IFT172: variants seen among roughly 807,000 people sequenced by gnomAD.
The protein encoded by IFT172 is intraflagellar transport 172.
In IFT172, 164 loss-of-function variants were observed where a neutral mutation model predicts 248.9. That is an observed-to-expected ratio of 0.66 (90% CI 0.58 to 0.75). The LOEUF is 0.75. Among genes scored for constraint, IFT172 ranks in the 30% least tolerant of loss-of-function variants. The pLI, the probability that IFT172 is intolerant of heterozygous loss-of-function variation, is 0.00. For missense variants in IFT172, 1,950 were observed against 2,192.4 expected (o/e 0.89, Z 2.21); for synonymous variants, 729 against 791.6 (o/e 0.92, Z 1.33).
Position 27,465,885 on chromosome 2 carries a change from G to A in IFT172, c.1693-3C>T. On this transcript the variant is annotated splice_region_variant and splice_polypyrimidine_tract_variant and intron_variant, in intron 16 of 47. Transcript: ENST00000260570. Reference sequence around the variant, plus strand: ...CGCTCCAGACCTATAACATCACCCTGTAAAAGTTTATCCCCCAACCCACCC... The same window carrying A: ...CGCTCCAGACCTATAACATCACCCTATAAAAGTTTATCCCCCAACCCACCC... 6.2e-7 allele frequency: 1 copy of A among 1,613,826 alleles called. No homozygotes were observed. Among genetic ancestry groups the A allele is most frequent in the Non-Finnish European group, 8.5e-7 (1 of 1,179,872 alleles).
intron 30 of IFT172, 30 bp downstream of exon 30, chr2:27,456,481 G>A: frequency 1.2e-6 from 2 of 1,600,536 alleles, no homozygotes; most frequent in East Asian, 2.2e-5. Flanking sequence ...GCTGGGATGG[G>A]GCCCGTGGAG....
At chr2:27,461,625 G>T in intron 21 of IFT172, 108 bp from the exon 22 acceptor site, 2 of 1,504,772 alleles carry the variant, frequency 1.3e-6, no homozygotes, top group South Asian at 1.2e-5. Context: ...TGGGTCAGCA[G>T]TATCCTAACT....
At chr2:27,465,168 C>A in intron 18 of IFT172, 1 of 496,098 alleles carries the variant, frequency 2.0e-6, no homozygotes, top group Non-Finnish European at 3.6e-6. Context: ...GATCTGCCCA[C>A]CTCAGCCTCC....
intron 10 of IFT172, among the ~76,000 whole-genome samples, chr2:27,478,722 T>C (rs1219623210): frequency 6.6e-6 from 1 of 152,126 alleles, no homozygotes; most frequent in African/African-American, 2.4e-5. Context: ...TGCTGACACA[T>C]AGTAGAGAAT....
At chr2:27,471,293 A>C in intron 15 of IFT172, 198 bp from the exon 16 acceptor site, 1 of 467,432 alleles carries the variant, frequency 2.1e-6, no homozygotes, top group Non-Finnish European at 3.7e-6. Context: ...CCCATAGAAC[A>C]AAGATCTACA....
chr2:27,483,406 G>C, intron 6 of IFT172, 30 bp from the exon 7 acceptor site: 1 of 1,487,972 alleles, frequency 6.7e-7, no homozygotes, highest in African/African-American at 1.4e-5. Flanking sequence ...AGAAATACAG[G>C]AAGAGACTAT....
At chr2:27,470,879 A>C in intron 16 of IFT172, 49 bp downstream of exon 16, 1 of 1,491,386 alleles carries the variant, frequency 6.7e-7, no homozygotes. Context: ...TCATGGCTCT[A>C]ATTAATCAGC....
chr2:27,457,637 A>T lies in IFT172; in HGVS notation c.3228+2T>A. ...TCCCTCAGTGTGGCCTGAACTCCTT[A>T]CCCTGTAGGCCTCTTCCCAAAGCCC... On this transcript the variant is annotated splice_donor_variant, in intron 29 of 47. Transcript: ENST00000260570. LOFTEE classifies it high-confidence loss of function. 1 of 1,612,656 alleles carries T rather than the reference A, an allele frequency of 6.2e-7. No homozygotes were observed. Among genetic ancestry groups the T allele is most frequent in the South Asian group, 1.1e-5 (1 of 91,056 alleles).
In IFT172 at chr2:27,478,942, A is replaced by C. The variant is rs557603823; in HGVS notation, c.1005+567T>G. 6.6e-5 allele frequency among the ~76,000 whole-genome samples: 10 copies of C among 152,354 alleles called. No homozygotes were observed. The South Asian group carries it at 2.1e-3, about 32-fold the overall frequency. On this transcript the variant is annotated intron_variant, in intron 10 of 47. Transcript: ENST00000260570. ...ACTGCCCAATTGCCAGTGTGTAGCC[A>C]GTAAAGTTTTAAGTCAGGAAGGCTT...
intron 42 of IFT172, among the ~76,000 whole-genome samples, chr2:27,446,889 C>A (rs187535259): frequency 6.6e-6 from 1 of 151,442 alleles, no homozygotes; most frequent in Admixed American, 6.6e-5. Context: ...TTAGTAGAGA[C>A]GGGGTTTCAC....
Position 27,452,244 on chromosome 2 carries a change from T to C in IFT172, c.3951+1140A>G, listed in dbSNP as rs559907163. 3.1e-4 allele frequency among the ~76,000 whole-genome samples: 47 copies of C among 152,310 alleles called. No individual in the cohort carries two copies. The South Asian group carries it at 8.5e-3, about 28-fold the overall frequency. ...TTAGAGAGAATTCTTCCTGTTTGAC[T>C]GCCTTTAAACTGGGACACTGGCTTT... On this transcript the variant is annotated intron_variant, in intron 35 of 47. Transcript: ENST00000260570.
At chr2:27,461,161 CA>C in intron 22 of IFT172, 68 bp from the exon 23 acceptor site, 6 of 1,613,546 alleles carry the variant, frequency 3.7e-6, no homozygotes, top group Non-Finnish European at 5.1e-6. Flanking sequence ...GCTCCGAAAA[CA>C]AGGGAACACC....
At chr2:27,475,414 T>C (rs1667890233) in intron 14 of IFT172, 1 of 152,180 alleles carries the variant, frequency 6.6e-6, no homozygotes, top group Non-Finnish European at 1.5e-5. Context: ...AATGATTCAA[T>C]GTAAATATAA....
intron 5 of IFT172, 46 bp downstream of exon 5, chr2:27,483,826 A>C (rs565778879): frequency 2.0e-6 from 3 of 1,530,470 alleles, no homozygotes; most frequent in African/African-American, 2.7e-5. Context: ...CTCCAGAACC[A>C]TTATCCCTAC....
Position 27,453,633 on chromosome 2 carries a change from GC to G in IFT172, c.3817del (p.Ala1273ProfsTer44). The G allele has an allele frequency of 6.2e-7, 1 of 1,611,084 alleles. No homozygotes were observed. Among genetic ancestry groups the G allele is most frequent in the Non-Finnish European group, 8.5e-7 (1 of 1,178,390 alleles). ...EYEREATKKG[A>X]RGVEGFVEQA... ...GCCTGGACCTCTGGCCTCATACCTG[GC>G]CCCCTTCTTAGTAGCTTCCCGCTCA... is the stretch of plus-strand genomic sequence containing the variant. On this transcript the variant is annotated frameshift_variant, in exon 34 of 48. Coordinates refer to ENST00000260570, the MANE Select transcript of IFT172 (RefSeq NM_015662.3). LOFTEE classifies it high-confidence loss of function.
chr2:27,471,194 C>T (rs1558397063), intron 15 of IFT172, 99 bp from the exon 16 acceptor site: 4 of 1,175,100 alleles, frequency 3.4e-6, no homozygotes, highest in Non-Finnish European at 3.7e-6. Flanking sequence ...TGAGCTAACC[C>T]ACCACTCAGG....
At chr2:27,476,010 G>A (rs1044952583) in intron 14 of IFT172, among the ~76,000 whole-genome samples, 8 of 151,664 alleles carry the variant, frequency 5.3e-5, no homozygotes, top group African/African-American at 1.5e-4. Context: ...AACATTTCAC[G>A]ATAAAAATAT....
chr2:27,484,101 A>C, intron 4 of IFT172, 126 bp downstream of exon 4: 1 of 1,401,340 alleles, frequency 7.1e-7, no homozygotes, highest in South Asian at 1.2e-5. Flanking sequence ...GCCATGAAGC[A>C]CCATCCTTGC....
At chr2:27,480,197 G>T in intron 8 of IFT172, 48 bp from the exon 9 acceptor site, 1 of 1,567,654 alleles carries the variant, frequency 6.4e-7, no homozygotes. Context: ...CTGAGCTAAA[G>T]AGTGCAAATG....
Sources: allele counts gnomAD v4.1 joint callset (sites outside exome capture counted in the v4.1 genomes callset), GRCh38; gene constraint gnomAD v4.1.1; transcripts MANE v1.5; gene names NCBI Gene and HGNC (gene_info 2026-07-23, HGNC 2026-07-21).